DIO2: variants seen among roughly 807,000 people sequenced by gnomAD.
The protein encoded by DIO2 is iodothyronine deiodinase 2.
A neutral mutation model predicts 21.4 loss-of-function variants in DIO2; 19 were observed. That is an observed-to-expected ratio of 0.89 (90% CI 0.62 to 1.30). The LOEUF is 1.30. Ranked by LOEUF, DIO2 falls within the 50% of genes most tolerant of loss-of-function variation. The pLI, the probability that DIO2 is intolerant of heterozygous loss-of-function variation, is 0.00. For synonymous variants in DIO2, 122 were observed against 132.9 expected (o/e 0.92, Z 0.57); for missense variants, 302 against 338.1 (o/e 0.89, Z 0.84).
Position 80,199,530 on chromosome 14 carries a change from T to C in DIO2, c.*3159A>G, listed in dbSNP as rs1369283100. On this transcript the variant is annotated 3_prime_UTR_variant, in exon 2 of 2. Coordinates refer to ENST00000438257, the MANE Select transcript of DIO2 (RefSeq NM_013989.5). ...GGTCAGTTACATTTTAATAGCTGTA[T>C]GAAACATTTCTACATTACTGTGCGG... The C allele has an allele frequency of 6.6e-6, 1 of 152,276 alleles. No individual in the cohort carries two copies. Among genetic ancestry groups the C allele is most frequent in the Non-Finnish European group, 1.5e-5 (1 of 68,034 alleles). The allele number at this position is 152,276 out of a possible 1,614,324, so 9.4% of individuals were successfully genotyped here.
intron 2 of DIO2, among the ~76,000 whole-genome samples, chr14:80,220,637 T>C (rs1888448146): frequency 6.6e-6 from 1 of 152,200 alleles, no homozygotes; most frequent in African/African-American, 2.4e-5. Flanking sequence ...TAATAACTAA[T>C]ATTAATGCTG....
At chr14:80,218,053 TG>T (rs1380702188) in intron 2 of DIO2, among the ~76,000 whole-genome samples, 1 of 152,196 alleles carries the variant, frequency 6.6e-6, no homozygotes, top group African/African-American at 2.4e-5. Context: ...GCCATGTTGA[TG>T]GGTAATATAT....
upstream of DIO2, among the ~76,000 whole-genome samples, chr14:80,212,353 G>A (rs572066498): frequency 1.3e-5 from 2 of 152,006 alleles, no homozygotes; most frequent in Admixed American, 1.3e-4. Context: ...TTTTTAGAAG[G>A]GGTTGGGGAG....
chr14:80,211,330 C>T lies in DIO2; in HGVS notation c.143G>A (p.Arg48His), dbSNP rs1259641253. 1.2e-6 allele frequency: 2 copies of T among 1,613,734 alleles called. No homozygotes were observed. ...GGTCAGCATGCGCCGCCACTCTCCGCGAGTGGACTTGGAGCGGCTCAACAG... is the reference window on the plus strand; with the variant it reads ...GGTCAGCATGCGCCGCCACTCTCCGTGAGTGGACTTGGAGCGGCTCAACAG... The part of the protein sequence containing the change: ...VLLLSRSKST[R>H]GEWRRMLTSE... The change falls in exon 1 of 2, where the codon CGC becomes CAC. Residue 48 changes from arginine to histidine, a missense_variant. Coordinates refer to ENST00000438257, the MANE Select transcript of DIO2 (RefSeq NM_013989.5).
rs1320822428 is a variant in DIO2, at chr14:80,200,176, AT to A, written c.*2512del. 1.3e-5 allele frequency: 2 copies of A among 152,414 alleles called. No individual in the cohort carries two copies. Among genetic ancestry groups the A allele is most frequent in the Non-Finnish European group, 2.9e-5 (2 of 67,984 alleles). 9.4% of individuals were successfully genotyped at this position (152,414 alleles called of 1,614,324 possible). On this transcript the variant is annotated 3_prime_UTR_variant, in exon 2 of 2. Coordinates refer to ENST00000438257, the MANE Select transcript of DIO2 (RefSeq NM_013989.5). ...TAGGATTCCTGAGCTTTGTCCATTC[AT>A]TTTCTCCATTGGCCCTTCCACAGCC...
chr14:80,210,146 G>T (rs1475151909), intron 1 of DIO2, among the ~76,000 whole-genome samples: 1 of 152,134 alleles, frequency 6.6e-6, no homozygotes, highest in Non-Finnish European at 1.5e-5. Flanking sequence ...GGGAAACCAA[G>T]ATTGTCTATT....
Position 80,211,256 on chromosome 14 carries a change from T to C in DIO2, c.217A>G (p.Lys73Glu). The change falls in exon 1 of 2, where the codon AAA (lysine) becomes GAA (glutamate). Residue 73 changes from lysine (K) to glutamate (E), a missense_variant. Transcript: ENST00000438257. ...VWKSFLLDAYKQVKLGEDAPN... is the reference protein window; with the variant it reads ...VWKSFLLDAYEQVKLGEDAPN... ...CCCTTCTCAGCTCAGCTCACCTGTT[T>C]GTAGGCATCGAGGAGGAAGCTCTTC... 6.2e-7 allele frequency: 1 copy of C among 1,609,646 alleles called. No individual in the cohort carries two copies. The highest frequency in any genetic ancestry group is 8.5e-7 in the Non-Finnish European group (1 of 1,179,508).
intron 1 of DIO2, among the ~76,000 whole-genome samples, chr14:80,204,104 C>A: frequency 6.6e-6 from 1 of 151,892 alleles, no homozygotes; most frequent in East Asian, 1.9e-4. Context: ...ATGCCCTGAG[C>A]AAAGCTTTGC....
chr14:80,228,750 G>A (rs1888628008), intron 2 of DIO2, among the ~76,000 whole-genome samples: 1 of 150,798 alleles, frequency 6.6e-6, no homozygotes, highest in African/African-American at 2.4e-5. Context: ...TGAGTCTGGG[G>A]ACCCACTGGA....
At chr14:80,213,718 G>C (rs2140012454), upstream of DIO2, among the ~76,000 whole-genome samples, 1 of 152,118 alleles carries the variant, frequency 6.6e-6, no homozygotes, top group South Asian at 2.1e-4. Flanking sequence ...CTACACTAGG[G>C]GGCACCATTC....
chr14:80,211,177 A>G (rs138246208), intron 1 of DIO2, 74 bp downstream of exon 1: 310 of 1,428,216 alleles, frequency 2.2e-4, no homozygotes, highest in Middle Eastern at 9.9e-4. Context: ...AATGCTCCCA[A>G]TGGCCTCTGG....
rs1215530283 is a variant in DIO2, at chr14:80,203,211, A to T, written c.300T>A (p.Asn100Lys). The T allele has an allele frequency of 1.9e-6, 3 of 1,608,956 alleles. No homozygotes were observed. The highest frequency in any genetic ancestry group is 2.5e-6 in the Non-Finnish European group (3 of 1,177,904). Residue 100 changes from asparagine (N) to lysine (K), a missense_variant, in exon 2 of 2, where the codon AAT becomes AAA. Asn to Lys is a moderately conservative substitution (Grantham distance 94, BLOSUM62 0). Coordinates refer to ENST00000438257, the MANE Select transcript of DIO2 (RefSeq NM_013989.5). Reference sequence around the variant, plus strand: ...CCTCAGCTATCTTCTCCTGGGTACCATTGCCACTGTTGTCACCTCCTTCTG... The same window carrying T: ...CCTCAGCTATCTTCTCCTGGGTACCTTTGCCACTGTTGTCACCTCCTTCTG... ...SSTEGGDNSGNGTQEKIAEGA... is the reference protein window; with the variant it reads ...SSTEGGDNSGKGTQEKIAEGA...
At chr14:80,204,660 G>T (rs1353065382) in intron 1 of DIO2, among the ~76,000 whole-genome samples, 3 of 152,034 alleles carry the variant, frequency 2.0e-5, no homozygotes, top group Admixed American at 6.5e-5. Context: ...CTTCCAACTG[G>T]GTTGACTTAT....
At chr14:80,204,461 A>G (rs1887873830) in intron 1 of DIO2, among the ~76,000 whole-genome samples, 1 of 152,224 alleles carries the variant, frequency 6.6e-6, no homozygotes, top group Non-Finnish European at 1.5e-5. Context: ...AGAATGAAGG[A>G]AAGTTTGCAG....
chr14:80,201,718 G>C lies in DIO2; in HGVS notation c.*971C>G, dbSNP rs1566658990. 1.3e-5 allele frequency: 2 copies of C among 152,124 alleles called. No homozygotes were observed. The highest frequency in any genetic ancestry group is 1.3e-4 in the Admixed American group (2 of 15,270). 9.4% of individuals were successfully genotyped at this position (152,124 alleles called of 1,614,324 possible). A position where few individuals can be genotyped will look rare whatever the true frequency, so the allele number is the denominator to read the frequency against. On this transcript the variant is annotated 3_prime_UTR_variant, in exon 2 of 2. Transcript: ENST00000438257. ...TACATACCACATACATGGTTCAAAA[G>C]TAATTATTTCCAAAAGAAACCCCTC... is the stretch of plus-strand genomic sequence containing the variant.
At chr14:80,224,614 C>T (rs1888534831) in intron 2 of DIO2, among the ~76,000 whole-genome samples, 2 of 151,870 alleles carry the variant, frequency 1.3e-5, no homozygotes, top group Admixed American at 6.6e-5. Context: ...AGACTTCTGG[C>T]CTCCAAAACT....
chr14:80,201,764 A>AT lies in DIO2; in HGVS notation c.*924dup, dbSNP rs896407541. ...CCCTCACAATTACAAATATTTAAGT[A>AT]TTTTTTTTTCTTTCAATCACCCCTT... is the stretch of plus-strand genomic sequence containing the variant. On this transcript the variant is annotated 3_prime_UTR_variant, in exon 2 of 2. Coordinates refer to ENST00000438257, the MANE Select transcript of DIO2 (RefSeq NM_013989.5). 305 of 151,704 alleles carry AT rather than the reference A, an allele frequency of 2.0e-3. No individual in the cohort carries two copies. Among genetic ancestry groups the AT allele is most frequent in the African/African-American group, 6.5e-3 (270 of 41,348 alleles). 9.4% of individuals were successfully genotyped at this position (151,704 alleles called of 1,614,324 possible). A position where few individuals can be genotyped will look rare whatever the true frequency, so the allele number is the denominator to read the frequency against.
intron 2 of DIO2, among the ~76,000 whole-genome samples, chr14:80,226,920 A>AT (rs1262901405): frequency 2.4e-4 from 37 of 152,256 alleles, no homozygotes; most frequent in African/African-American, 8.4e-4. Flanking sequence ...TCTTCCCCAC[A>AT]TTTCTTTGTC....
At chr14:80,211,984 T>G (rs1018534556), upstream of DIO2, 1 of 150,760 alleles carries the variant, frequency 6.6e-6, no homozygotes, top group Non-Finnish European at 1.5e-5. Context: ...GCCAGAGTTT[T>G]TTTTTTTTTT....
Sources: allele counts gnomAD v4.1 joint callset (sites outside exome capture counted in the v4.1 genomes callset), GRCh38; gene constraint gnomAD v4.1.1; transcripts MANE v1.5; gene names NCBI Gene and HGNC (gene_info 2026-07-23, HGNC 2026-07-21).